IRAK3: variants seen among roughly 807,000 people sequenced by gnomAD.
IRAK3 encodes the protein interleukin-1 receptor-associated kinase 3.
IRAK3 carries 57 observed loss-of-function variants against 56.6 expected under a neutral mutation model. That is an observed-to-expected ratio of 1.01 (90% CI 0.81 to 1.26). The LOEUF (loss-of-function observed/expected upper bound fraction) is 1.26. Ranked by LOEUF, IRAK3 falls within the 50% of genes most tolerant of loss-of-function variation. IRAK3 has a pLI of 0.00. For missense variants in IRAK3, 703 were observed against 719.0 expected (o/e 0.98, Z 0.25); for synonymous variants, 258 against 255.7 (o/e 1.01, Z -0.09).
At chr12:66,208,830 G>A (rs538912852) in intron 2 of IRAK3, among the ~76,000 whole-genome samples, 4 of 151,872 alleles carry the variant, frequency 2.6e-5, no homozygotes, top group South Asian at 2.1e-4. Context: ...TTGGGAGGCC[G>A]AGGCAGGCAG....
chr12:66,242,713 A>T (rs2052983518), intron 8 of IRAK3, among the ~76,000 whole-genome samples: 1 of 150,030 alleles, frequency 6.7e-6, no homozygotes, highest in Non-Finnish European at 1.5e-5. Flanking sequence ...TTTGGATTTT[A>T]CAATTCCCTT....
intron 6 of IRAK3, among the ~76,000 whole-genome samples, chr12:66,225,202 G>T (rs73125395): frequency 0.031 from 4,786 of 152,126 alleles, 151 homozygotes; most frequent in Admixed American, 0.09. Flanking sequence ...ATTTTAAGTT[G>T]CAGGAGAACC....
intron 2 of IRAK3, among the ~76,000 whole-genome samples, chr12:66,205,837 T>C (rs2052553315): frequency 6.6e-6 from 1 of 152,168 alleles, no homozygotes; most frequent in African/African-American, 2.4e-5. Flanking sequence ...GCCTTTTATT[T>C]CCTCCCAGGT....
At position 66,244,566 on chromosome 12, in the gene IRAK3, A is replaced by G. The variant is rs751028733; in HGVS notation, c.968A>G (p.His323Arg). 37 of 1,613,976 alleles carry G rather than the reference A, an allele frequency of 2.3e-5. No individual in the cohort carries two copies. Among genetic ancestry groups the G allele is most frequent in the Non-Finnish European group, 3.1e-5 (37 of 1,179,956 alleles). The change falls in exon 9 of 12, where the codon CAT becomes CGT. Residue 323 changes from histidine to arginine, a missense_variant. Transcript: ENST00000261233. ...GCACACTTCCGGTCCCACCTAGAAC[A>G]TCAGAGTTGTACCATAAATATGACC... ...AMAHFRSHLEHQSCTINMTSS... is the reference protein window; with the variant it reads ...AMAHFRSHLERQSCTINMTSS...
chr12:66,190,429 T>C (rs139408110), intron 1 of IRAK3, among the ~76,000 whole-genome samples: 208 of 151,880 alleles, frequency 1.4e-3, no homozygotes, highest in African/African-American at 4.5e-3. Flanking sequence ...AGATTTCCAG[T>C]GTGCATTTGA....
intron 6 of IRAK3, among the ~76,000 whole-genome samples, chr12:66,226,118 T>C (rs1165523752): frequency 1.3e-5 from 2 of 152,246 alleles, no homozygotes; most frequent in African/African-American, 4.8e-5. Flanking sequence ...TTGTAAACTT[T>C]CCAACATTAC....
intron 1 of IRAK3, among the ~76,000 whole-genome samples, chr12:66,194,840 A>G (rs2052435905): frequency 6.6e-6 from 1 of 151,980 alleles, no homozygotes; most frequent in African/African-American, 2.4e-5. Flanking sequence ...AAAAAAAAAA[A>G]AAAAAATTAC....
At position 66,228,288 on chromosome 12, in the gene IRAK3, G is replaced by A. The variant is rs35823766; in HGVS notation, c.805G>A (p.Gly269Ser). 526 of 1,614,008 alleles carry A rather than the reference G, an allele frequency of 3.3e-4. 5 individuals are homozygous for A. The African/African-American group carries it at 6.1e-3, about 19-fold the overall frequency. Residue 269 changes from glycine (G) to serine (S), a missense_variant, in exon 8 of 12, where the codon GGT becomes AGT. Coordinates refer to ENST00000261233, the MANE Select transcript of IRAK3 (RefSeq NM_007199.3). ...CCCACTCCCTTGGCACATTCGAATC[G>A]GTATATTAATAGGAATATCCAAAGC... is the stretch of plus-strand genomic sequence containing the variant. ...TAPLPWHIRI[G>S]ILIGISKAIH... is the part of the protein sequence containing the mutation.
chr12:66,210,558 A>G (rs1321081629), intron 4 of IRAK3, among the ~76,000 whole-genome samples: 1 of 152,226 alleles, frequency 6.6e-6, no homozygotes, highest in Non-Finnish European at 1.5e-5. Context: ...AATTACAGAA[A>G]TCTTTCAAGA....
At chr12:66,202,681 T>C (rs1324950787) in intron 1 of IRAK3, among the ~76,000 whole-genome samples, 1 of 151,930 alleles carries the variant, frequency 6.6e-6, no homozygotes, top group Non-Finnish European at 1.5e-5. Flanking sequence ...AGTGCACACC[T>C]GTAGTTGCAG....
chr12:66,220,181 A>G (rs2052716541), intron 6 of IRAK3, among the ~76,000 whole-genome samples: 2 of 152,124 alleles, frequency 1.3e-5, no homozygotes, highest in African/African-American at 4.8e-5. Context: ...ATGGTTTCAG[A>G]TCTTACATTT....
intron 11 of IRAK3, among the ~76,000 whole-genome samples, chr12:66,245,863 T>A (rs191558278): frequency 5.9e-5 from 9 of 152,268 alleles, no homozygotes; most frequent in East Asian, 3.9e-4. Context: ...TCCATTTTTT[T>A]AAATTTATTA....
At chr12:66,228,158 A>G (rs1592594741) in intron 7 of IRAK3, 94 bp from the exon 8 acceptor site, 4 of 917,428 alleles carry the variant, frequency 4.4e-6, no homozygotes, top group Non-Finnish European at 5.5e-6. Context: ...CCACCTTGCT[A>G]TCTACTTCTA....
intron 6 of IRAK3, among the ~76,000 whole-genome samples, chr12:66,220,254 T>G (rs1205674698): frequency 6.6e-6 from 1 of 152,162 alleles, no homozygotes; most frequent in Non-Finnish European, 1.5e-5. Context: ...CCAATTTTAT[T>G]ATTTTGTATG....
intron 1 of IRAK3, chr12:66,196,848 A>G: frequency 6.8e-7 from 1 of 1,462,886 alleles, no homozygotes; most frequent in Non-Finnish European, 9.0e-7. Context: ...CTTTGTAGAA[A>G]GAAAGAGACA....
At chr12:66,214,050 C>T (rs1223294672) in intron 5 of IRAK3, among the ~76,000 whole-genome samples, 1 of 152,182 alleles carries the variant, frequency 6.6e-6, no homozygotes, top group Admixed American at 6.5e-5. Context: ...GCATTTCATT[C>T]AGTGCAGCGG....
At chr12:66,222,186 C>T (rs2052740951) in intron 6 of IRAK3, among the ~76,000 whole-genome samples, 1 of 152,256 alleles carries the variant, frequency 6.6e-6, no homozygotes, top group East Asian at 1.9e-4. Flanking sequence ...TGCTGGCCTA[C>T]TAAAATAAGT....
At chr12:66,205,280 T>G (rs1592580103) in intron 2 of IRAK3, among the ~76,000 whole-genome samples, 1 of 152,210 alleles carries the variant, frequency 6.6e-6, no homozygotes, top group East Asian at 1.9e-4. Context: ...TCCACATTCT[T>G]GGTTGACTCT....
intron 1 of IRAK3, among the ~76,000 whole-genome samples, chr12:66,191,909 G>A (rs961111614): frequency 6.6e-6 from 1 of 152,166 alleles, no homozygotes; most frequent in African/African-American, 2.4e-5. Flanking sequence ...TCTTGATGAC[G>A]GTGAGTGTCA....
Sources: allele counts gnomAD v4.1 joint callset (sites outside exome capture counted in the v4.1 genomes callset), GRCh38; gene constraint gnomAD v4.1.1; transcripts MANE v1.5; gene names NCBI Gene and HGNC (gene_info 2026-07-23, HGNC 2026-07-21).